Variants in RBFOX1 observed in about 807,000 individuals in gnomAD.
The protein encoded by RBFOX1 is RNA binding fox-1 homolog 1.
In RBFOX1, 8 loss-of-function variants were observed where a neutral mutation model predicts 57.7. The ratio of observed to expected loss-of-function variants is 0.14; its 90% confidence interval spans 0.08 to 0.25. The LOEUF is 0.25. Ranked by LOEUF, RBFOX1 falls within the 10% of genes least tolerant of loss-of-function variation. The pLI is 1.00. For synonymous variants in RBFOX1, 326 were observed against 222.4 expected, an observed-to-expected ratio of 1.47 and a Z score of -4.15; for missense variants, 611 against 548.5, an observed-to-expected ratio of 1.11 and a Z score of -1.14.
chr16:5,812,597 C>G (rs1401296135), intron 3 of RBFOX1, among the ~76,000 whole-genome samples: 1 of 151,680 alleles, frequency 6.6e-6, no homozygotes, highest in African/African-American at 2.4e-5. Context: ...GCAGCTAAGA[C>G]TACAAGTGTG....
At chr16:6,955,780 A>G (rs972909070) in intron 3 of RBFOX1, among the ~76,000 whole-genome samples, 1 of 152,006 alleles carries the variant, frequency 6.6e-6, no homozygotes, top group Non-Finnish European at 1.5e-5. Flanking sequence ...CTTGGGGCTC[A>G]CTGCAACCTC....
At chr16:6,970,905 T>C (rs533101521) in intron 3 of RBFOX1, among the ~76,000 whole-genome samples, 4 of 152,324 alleles carry the variant, frequency 2.6e-5, no homozygotes, top group African/African-American at 9.6e-5. Flanking sequence ...AAGACCTTTG[T>C]GCTGTGCTGT....
chr16:5,241,601 G>C (rs1393891532), intron 1 of RBFOX1, among the ~76,000 whole-genome samples: 1 of 152,206 alleles, frequency 6.6e-6, no homozygotes, highest in Admixed American at 6.5e-5. Context: ...CCCTGTCTGA[G>C]CCTTACTGTC....
chr16:5,765,507 G>T (rs2053744759), intron 3 of RBFOX1, among the ~76,000 whole-genome samples: 1 of 152,198 alleles, frequency 6.6e-6, no homozygotes, highest in Non-Finnish European at 1.5e-5. Flanking sequence ...CATTTTATGA[G>T]GGCAAGGACT....
At chr16:7,413,056 AT>A (rs1433822417) in intron 4 of RBFOX1, among the ~76,000 whole-genome samples, 1 of 152,022 alleles carries the variant, frequency 6.6e-6, no homozygotes, top group Non-Finnish European at 1.5e-5. Context: ...CAAAATAAAA[AT>A]AAATAAAAAT....
At chr16:7,659,795 C>G (rs2067236703) in intron 12 of RBFOX1, among the ~76,000 whole-genome samples, 1 of 152,084 alleles carries the variant, frequency 6.6e-6, no homozygotes, top group African/African-American at 2.4e-5. Context: ...ATAGCATGAA[C>G]TTATAGACAA....
rs192817575 is a variant in RBFOX1 at position 6,208,070 on chromosome 16, T to C, written c.-126-108925T>C. On this transcript the variant is annotated intron_variant, in intron 1 of 15. Transcript: ENST00000550418. ...TATATATATGTGTGTATATATATAG[T>C]CTGGCGGTCAACAGTTCCTTTAATT... Among the ~76,000 whole-genome samples the C allele has an allele frequency of 8.0e-3, 1,221 of 152,086 alleles. 9 individuals carry two copies. Among genetic ancestry groups the C allele is most frequent in the Non-Finnish European group, 0.013 (854 of 67,992 alleles).
At chr16:5,358,515 A>G (rs1383407218) in intron 1 of RBFOX1, among the ~76,000 whole-genome samples, 1 of 152,192 alleles carries the variant, frequency 6.6e-6, no homozygotes, top group Non-Finnish European at 1.5e-5. Flanking sequence ...CACATCATGT[A>G]AAATCCCCTC....
chr16:6,130,075 A>G (rs975523071), intron 1 of RBFOX1, among the ~76,000 whole-genome samples: 1 of 152,198 alleles, frequency 6.6e-6, no homozygotes, highest in Non-Finnish European at 1.5e-5. Context: ...AAGCTCTGAT[A>G]TAATGAAGTA....
intron 4 of RBFOX1, among the ~76,000 whole-genome samples, chr16:7,087,756 C>A (rs965935246): frequency 2.0e-5 from 3 of 152,058 alleles, no homozygotes; most frequent in African/African-American, 7.2e-5. Context: ...GATTTTCTAC[C>A]CACTGCTTTC....
intron 3 of RBFOX1, among the ~76,000 whole-genome samples, chr16:5,663,852 A>G (rs2049743075): frequency 6.6e-6 from 1 of 152,166 alleles, no homozygotes; most frequent in African/African-American, 2.4e-5. Context: ...TTTAGTTTAA[A>G]GTTGGTGGCT....
chr16:5,241,222 C>T (rs527670938), intron 1 of RBFOX1, among the ~76,000 whole-genome samples: 1 of 152,298 alleles, frequency 6.6e-6, no homozygotes, highest in African/African-American at 2.4e-5. Context: ...CTGGTGACAT[C>T]CTCATCTCCC....
chr16:7,477,864 G>A (rs1023404945), intron 4 of RBFOX1, among the ~76,000 whole-genome samples: 3 of 152,174 alleles, frequency 2.0e-5, no homozygotes, highest in African/African-American at 7.2e-5. Context: ...ATATCAGAGG[G>A]CTTTGCTAGG....
At chr16:6,208,638 A>G (rs2097271294) in intron 1 of RBFOX1, among the ~76,000 whole-genome samples, 1 of 152,234 alleles carries the variant, frequency 6.6e-6, no homozygotes, top group Admixed American at 6.5e-5. Flanking sequence ...AGCGCTGCAC[A>G]GTGGCCATGT....
At chr16:5,421,732 A>T (rs561921398) in intron 1 of RBFOX1, among the ~76,000 whole-genome samples, 2 of 152,366 alleles carry the variant, frequency 1.3e-5, no homozygotes, top group African/African-American at 4.8e-5. Flanking sequence ...GCTGAATAAT[A>T]GTCTTGGAAG....
chr16:7,472,949 G>A (rs2061837836), intron 4 of RBFOX1, among the ~76,000 whole-genome samples: 1 of 94,176 alleles, frequency 1.1e-5, no homozygotes, highest in South Asian at 3.2e-4. Flanking sequence ...AACATACAGG[G>A]ATTTGGCTAT....
At chr16:6,364,920 T>G (rs1160595396) in intron 2 of RBFOX1, among the ~76,000 whole-genome samples, 1 of 152,064 alleles carries the variant, frequency 6.6e-6, no homozygotes, top group Non-Finnish European at 1.5e-5. Flanking sequence ...TTTTACGATA[T>G]TCACCCAATT....
At chr16:7,183,204 C>G (rs2083072012) in intron 4 of RBFOX1, among the ~76,000 whole-genome samples, 1 of 152,112 alleles carries the variant, frequency 6.6e-6, no homozygotes, top group Non-Finnish European at 1.5e-5. Flanking sequence ...CTCCTGGCTG[C>G]CTGTGTCTGA....
In RBFOX1 at chr16:6,659,781, C is replaced by T. The variant is rs193271995; in HGVS notation, c.-16+5131C>T. 2.8e-3 allele frequency among the ~76,000 whole-genome samples: 424 copies of T among 152,216 alleles called. 3 individuals carry two copies. Among genetic ancestry groups the T allele is most frequent in the African/African-American group, 9.6e-3 (399 of 41,546 alleles). On this transcript the variant is annotated intron_variant, in intron 3 of 15. Coordinates refer to ENST00000550418, the MANE Select transcript of RBFOX1 (RefSeq NM_018723.4). ...TGCCCTTCCGGGAAGTAGTTGGCACCCAACAGTGGGGTGGTCAGATGTCTT... is the reference window on the plus strand; with the variant it reads ...TGCCCTTCCGGGAAGTAGTTGGCACTCAACAGTGGGGTGGTCAGATGTCTT...
Sources: gnomAD v4.1 joint callset for allele counts (sites outside exome capture counted in the v4.1 genomes callset) on GRCh38, gnomAD v4.1.1 for gene constraint, MANE v1.5 for transcripts, NCBI Gene and HGNC (gene_info 2026-07-23, HGNC 2026-07-21) for gene names.